Variants in CAMK2G observed in about 807,000 individuals in gnomAD.
CAMK2G encodes calcium/calmodulin dependent protein kinase II gamma.
A neutral mutation model predicts 88.7 loss-of-function variants in CAMK2G; 23 were observed. The observed-to-expected ratio is 0.26, with a 90% CI of 0.19 to 0.37. The LOEUF (loss-of-function observed/expected upper bound fraction) is 0.37, where lower values mean the gene tolerates loss of function less well. Ranked by LOEUF, CAMK2G falls within the 10% of genes least tolerant of loss-of-function variation. The pLI is 1.00. For synonymous variants in CAMK2G, 263 were observed against 294.8 expected, an observed-to-expected ratio of 0.89 and a Z score of 1.11; for missense variants, 476 against 780.8, an observed-to-expected ratio of 0.61 and a Z score of 4.65.
At chr10:73,819,395 C>A (rs1396998740) in intron 19 of CAMK2G, 137 bp downstream of exon 19, 2 of 682,966 alleles carry the variant, frequency 2.9e-6, no homozygotes, top group Non-Finnish European at 5.2e-6. Flanking sequence ...CTACCCCCCA[C>A]CCCCAGCAGA....
chr10:73,873,289 C>T (rs935203802), intron 1 of CAMK2G: 19 of 1,225,078 alleles, frequency 1.6e-5, no homozygotes, highest in Non-Finnish European at 2.1e-5. Flanking sequence ...ATGTGGGTGG[C>T]GTGCCGCGCT....
Position 73,815,174 on chromosome 10 carries a change from T to C in CAMK2G, c.1608A>G (p.Ala536=), listed in dbSNP as rs2084991893. 2.5e-6 allele frequency: 4 copies of C among 1,614,152 alleles called. No homozygotes were observed. Among genetic ancestry groups the C allele is most frequent in the South Asian group, 2.2e-5 (2 of 91,092 alleles). ...NPHVHVIGED[A]ACIAYIRLTQ... ...TGAGGCGGATGTAGGCGATGCACGC[T>C]GCGTCCTCCCCAATCACGTGGACGT... The change falls in exon 22 of 23, where the codon GCA becomes GCG. Residue 536 remains alanine, a synonymous_variant. Transcript: ENST00000423381.
At chr10:73,854,543 TAC>T (rs1211596458) in intron 3 of CAMK2G, among the ~76,000 whole-genome samples, 1 of 152,148 alleles carries the variant, frequency 6.6e-6, no homozygotes, top group Non-Finnish European at 1.5e-5. Flanking sequence ...CCTTGGCAGT[TAC>T]AGGTGCACCT....
At chr10:73,816,137 G>A (rs1008375174) in intron 21 of CAMK2G, 10 of 985,438 alleles carry the variant, frequency 1.0e-5, no homozygotes, top group Non-Finnish European at 1.2e-5. Flanking sequence ...AGGAAGGGGA[G>A]GGTCTCATAG....
At chr10:73,869,921 G>A (rs2095755772) in intron 2 of CAMK2G, among the ~76,000 whole-genome samples, 1 of 152,202 alleles carries the variant, frequency 6.6e-6, no homozygotes, top group African/African-American at 2.4e-5. Flanking sequence ...TTCTTGTGAT[G>A]CTGATTGTTT....
At position 73,874,328 on chromosome 10, in the gene CAMK2G, G is replaced by T. The variant is rs2096002405; in HGVS notation, c.65+69C>A. On this transcript the variant is annotated intron_variant, in intron 1 of 22. Transcript: ENST00000423381. ...CGCAGCGGCCGGTGCAGGGCCGGGG[G>T]GCGGGGCGAGAAGCCGCATAGCTCC... is the stretch of plus-strand genomic sequence containing the variant. 14 of 1,108,768 alleles carry T rather than the reference G, an allele frequency of 1.3e-5. No individual in the cohort carries two copies. In the South Asian group the frequency reaches 2.8e-4, roughly 22 times the overall value. The allele number at this position is 1,108,768 out of a possible 1,614,324, so 68.7% of individuals were successfully genotyped here.
chr10:73,820,979 T>G (rs1260650492), intron 18 of CAMK2G, among the ~76,000 whole-genome samples: 1 of 152,030 alleles, frequency 6.6e-6, no homozygotes, highest in East Asian at 1.9e-4. Context: ...CCGGCCTTTT[T>G]TTGTATTTTT....
chr10:73,845,409 C>T, intron 10 of CAMK2G, among the ~76,000 whole-genome samples: 1 of 151,896 alleles, frequency 6.6e-6, no homozygotes. Flanking sequence ...GGTGAAACCC[C>T]ATCTCTACTA....
chr10:73,860,961 T>G (rs2095344608), intron 2 of CAMK2G, 72 bp from the exon 3 acceptor site: 2 of 1,062,108 alleles, frequency 1.9e-6, no homozygotes. Context: ...TTATTCATAT[T>G]CCTTCAGTTC....
intron 17 of CAMK2G, 36 bp from the exon 18 acceptor site, chr10:73,821,766 A>G (rs577533660): frequency 1.3e-6 from 2 of 1,561,598 alleles, no homozygotes; most frequent in Non-Finnish European, 1.8e-6. Flanking sequence ...TATATGCTCC[A>G]TCCCTTGGAA....
At position 73,848,822 on chromosome 10, in the gene CAMK2G, T is replaced by C. The variant is rs1045481623; in HGVS notation, c.517+191A>G. Reference sequence around the variant, plus strand: ...CCGTATGCCTACCAGGAACTCCAGCTCCTTCCCACAGGCAGCAAGAAAGCA... The same window carrying C: ...CCGTATGCCTACCAGGAACTCCAGCCCCTTCCCACAGGCAGCAAGAAAGCA... On this transcript the variant is annotated intron_variant, in intron 7 of 22. Transcript: ENST00000423381. This position sits in a 1 kb window ranked among gnomAD's most constrained non-coding sequence, Gnocchi z 4.5. Among the ~76,000 whole-genome samples the C allele has an allele frequency of 2.0e-5, 3 of 152,200 alleles. No homozygotes were observed. Among genetic ancestry groups the C allele is most frequent in the Non-Finnish European group, 2.9e-5 (2 of 68,040 alleles).
intron 22 of CAMK2G, chr10:73,814,758 C>A: frequency 2.0e-6 from 1 of 510,322 alleles, no homozygotes; most frequent in South Asian, 2.7e-5. Context: ...TCTTTGACAG[C>A]TAAGGAAACA....
Position 73,867,320 on chromosome 10 carries a change from C to T in CAMK2G, c.160+5669G>A, listed in dbSNP as rs556434070. ...AAATCCCCAAGGGGTCACTAGCAAG[C>T]CCCAAGAAGGCAAGGCTCTGCCTGG... On this transcript the variant is annotated intron_variant, in intron 2 of 22. Transcript: ENST00000423381. Among the ~76,000 whole-genome samples, 6 of 152,350 alleles carry T rather than the reference C, an allele frequency of 3.9e-5. No individual in the cohort carries two copies. In the East Asian group the frequency reaches 5.8e-4, roughly 15 times the overall value.
Position 73,842,230 on chromosome 10 carries a change from C to G in CAMK2G, c.904-19G>C. The G allele has an allele frequency of 6.2e-7, 1 of 1,604,334 alleles. No individual in the cohort carries two copies. The highest frequency in any genetic ancestry group is 1.1e-5 in the South Asian group (1 of 90,876). On this transcript the variant is annotated intron_variant, in intron 11 of 22. Coordinates refer to ENST00000423381, the MANE Select transcript of CAMK2G (RefSeq NM_001367534.1). The surrounding 1 kb of genome is among the most constrained non-coding windows in gnomAD (Gnocchi z 4.6). ...TGGCACCCTGGGGAAAGAGGAAGGT[C>G]CTGTGAATTCACTGAGACCCTAGAA...
At chr10:73,835,435 TAC>T (rs2093077429) in intron 14 of CAMK2G, among the ~76,000 whole-genome samples, 1 of 151,674 alleles carries the variant, frequency 6.6e-6, no homozygotes, top group Non-Finnish European at 1.5e-5. Flanking sequence ...TAGCTGTGAC[TAC>T]AGATGCACAC....
chr10:73,873,371 C>A (rs906269041), intron 1 of CAMK2G: 52 of 1,288,396 alleles, frequency 4.0e-5, no homozygotes, highest in Non-Finnish European at 9.9e-7. Context: ...AGCGGGTGGG[C>A]GATGCTGAAA....
At chr10:73,831,463 G>A (rs753196168) in intron 14 of CAMK2G, among the ~76,000 whole-genome samples, 5 of 150,660 alleles carry the variant, frequency 3.3e-5, no homozygotes, top group South Asian at 2.1e-4. Flanking sequence ...GTTTGAACCC[G>A]GGAGGCGGAG....
chr10:73,857,628 T>C (rs2095133594), intron 3 of CAMK2G, among the ~76,000 whole-genome samples: 1 of 152,170 alleles, frequency 6.6e-6, no homozygotes, highest in Admixed American at 6.5e-5. Context: ...TAAACCACAA[T>C]GCTAGACTAT....
At chr10:73,815,366 ACCG>A (rs2085049080) in intron 21 of CAMK2G, 119 bp from the exon 22 acceptor site, 3 of 666,904 alleles carry the variant, frequency 4.5e-6, no homozygotes. Context: ...ATCTCCAAGT[ACCG>A]CCCCCCCCCA....
Sources: allele counts gnomAD v4.1 joint callset (sites outside exome capture counted in the v4.1 genomes callset), GRCh38; gene constraint gnomAD v4.1.1; non-coding constraint Gnocchi (gnomAD v3.1); transcripts MANE v1.5; gene names NCBI Gene and HGNC (gene_info 2026-07-23, HGNC 2026-07-21).